Variants in IL17RD observed in about 807,000 individuals in gnomAD.
IL17RD encodes interleukin 17 receptor D, also known as interleukin-17 receptor D.
In IL17RD, 52 loss-of-function variants were observed where a neutral mutation model predicts 80.5. That is an observed-to-expected ratio of 0.65 (90% CI 0.52 to 0.81). IL17RD has a LOEUF of 0.81. Ranked by LOEUF, IL17RD falls within the 40% of genes least tolerant of loss-of-function variation. IL17RD has a pLI of 0.00. For missense variants in IL17RD, 1,024 were observed against 955.1 expected (o/e 1.07, Z -0.95); for synonymous variants, 416 against 391.8 (o/e 1.06, Z -0.73).
rs1222231654 is a variant in IL17RD at position 57,098,026 on chromosome 3, C to A, written c.1677G>T (p.Trp559Cys). 1 of 1,614,054 alleles carries A rather than the reference C, an allele frequency of 6.2e-7. No individual in the cohort carries two copies. Among genetic ancestry groups the A allele is most frequent in the African/African-American group, 1.3e-5 (1 of 75,066 alleles). Residue 559 changes from tryptophan to cysteine, a missense_variant, in exon 12 of 13, where the codon TGG (tryptophan) becomes TGT (cysteine). By Grantham distance (215) the Trp-to-Cys change is radical. Transcript: ENST00000296318. ...GGAAGGGAACGAACTGCTTTTCGAA[C>A]CAGTCGGGCTCCTCGTCAATAAACT... The part of the protein sequence containing the change: ...MHQFIDEEPD[W>C]FEKQFVPFHP...
chr3:57,168,142 C>T (rs910052430), upstream of IL17RD, among the ~76,000 whole-genome samples: 7 of 152,164 alleles, frequency 4.6e-5, no homozygotes, highest in Non-Finnish European at 1.0e-4. Context: ...CATTTGTCCT[C>T]TTTCAGGAAT....
At chr3:57,104,947 G>A (rs116499859) in intron 7 of IL17RD, among the ~76,000 whole-genome samples, 2,132 of 152,188 alleles carry the variant, frequency 0.014, 57 homozygotes, top group African/African-American at 0.049. Context: ...TCCATGAAAC[G>A]GTTTCCACTC....
At chr3:57,152,133 G>C (rs1200751639) in intron 1 of IL17RD, among the ~76,000 whole-genome samples, 1 of 152,118 alleles carries the variant, frequency 6.6e-6, no homozygotes, top group African/African-American at 2.4e-5. Flanking sequence ...ATAGAAACAA[G>C]AACTCTCTCG....
rs150322582 is a variant in IL17RD at position 57,108,148 on chromosome 3, C to T, written c.550+1389G>A. On this transcript the variant is annotated intron_variant, in intron 5 of 12. Coordinates refer to ENST00000296318, the MANE Select transcript of IL17RD (RefSeq NM_017563.5). ...GATCTCAGCTCACTGCAACCTCCGCCTCCCGAGTTCAAGTGATTCTCCTGC... is the reference window on the plus strand; with the variant it reads ...GATCTCAGCTCACTGCAACCTCCGCTTCCCGAGTTCAAGTGATTCTCCTGC... Among the ~76,000 whole-genome samples, 1,261 of 152,014 alleles carry T rather than the reference C, an allele frequency of 8.3e-3. 20 individuals carry two copies. Among genetic ancestry groups the T allele is most frequent in the African/African-American group, 0.029 (1,195 of 41,440 alleles).
rs191362912 is a variant in IL17RD, at chr3:57,121,865, G to A, written c.127-1552C>T. Among the ~76,000 whole-genome samples the A allele has an allele frequency of 8.8e-4, 134 of 152,172 alleles. 5 individuals are homozygous for A. Among genetic ancestry groups the A allele is most frequent in the Non-Finnish European group, 2.4e-4 (16 of 68,008 alleles). On this transcript the variant is annotated intron_variant, in intron 1 of 12. Coordinates refer to ENST00000296318, the MANE Select transcript of IL17RD (RefSeq NM_017563.5). ...AGATCCCCAAATCACACTGTTCTGT[G>A]CTCTTATAAGCCCCCAAGACATAAA...
chr3:57,135,201 C>T (rs751681634), intron 1 of IL17RD, among the ~76,000 whole-genome samples: 14 of 152,168 alleles, frequency 9.2e-5, no homozygotes, highest in Non-Finnish European at 1.6e-4. Flanking sequence ...GTCAGGTGAG[C>T]AGCACTGCTT....
At chr3:57,129,146 A>C (rs765617192) in intron 1 of IL17RD, among the ~76,000 whole-genome samples, 3 of 152,154 alleles carry the variant, frequency 2.0e-5, no homozygotes, top group Non-Finnish European at 4.4e-5. Flanking sequence ...TAAAAAGCAT[A>C]CACAGACTCA....
At position 57,105,536 on chromosome 3, in the gene IL17RD, C is replaced by CAAAAAAAAAAAA. The variant is rs745910085; in HGVS notation, c.747+309_747+320dup. On this transcript the variant is annotated intron_variant, in intron 7 of 12. Coordinates refer to ENST00000296318, the MANE Select transcript of IL17RD (RefSeq NM_017563.5). ...TGGGCAACAGAGCAAGACTCCATCTCAAAAAAAAAAAAAAAAATATATATA... is the reference window on the plus strand; with the variant it reads ...TGGGCAACAGAGCAAGACTCCATCTCAAAAAAAAAAAAAAAAAAAAAAAAAAAAATATATATA... Among the ~76,000 whole-genome samples, 28 of 35,604 alleles carry CAAAAAAAAAAAA rather than the reference C, an allele frequency of 7.9e-4. 2 individuals are homozygous for CAAAAAAAAAAAA. Among genetic ancestry groups the CAAAAAAAAAAAA allele is most frequent in the African/African-American group, 2.0e-3 (20 of 9,988 alleles). 23.4% of individuals were successfully genotyped at this position (35,604 alleles called of 152,430 possible).
chr3:57,114,074 C>T (rs1025100655), intron 3 of IL17RD, among the ~76,000 whole-genome samples: 3 of 151,718 alleles, frequency 2.0e-5, no homozygotes, highest in African/African-American at 7.3e-5. Context: ...ATCCCAGCTA[C>T]TCGGGCAGCT....
intron 1 of IL17RD, among the ~76,000 whole-genome samples, chr3:57,156,964 ATTTG>A (rs1034025902): frequency 1.0e-3 from 156 of 152,112 alleles, no homozygotes; most frequent in African/African-American, 3.7e-3. Flanking sequence ...AAAACATCAA[ATTTG>A]TTTGTTTCTC....
chr3:57,124,741 T>C (rs1034064888), intron 1 of IL17RD, among the ~76,000 whole-genome samples: 33 of 152,208 alleles, frequency 2.2e-4, no homozygotes, highest in African/African-American at 7.2e-4. Context: ...TAATTTATTA[T>C]AGAAGCAACT....
chr3:57,102,105 A>T (rs1055150444), intron 10 of IL17RD, among the ~76,000 whole-genome samples: 25 of 151,862 alleles, frequency 1.6e-4, no homozygotes, highest in East Asian at 5.8e-4. Flanking sequence ...TACAAAAAAA[A>T]TTTTTTTTTA....
At chr3:57,146,820 CTTT>C (rs761583197) in intron 1 of IL17RD, among the ~76,000 whole-genome samples, 3 of 101,214 alleles carry the variant, frequency 3.0e-5, no homozygotes, top group Non-Finnish European at 3.8e-5. Flanking sequence ...GAGAGGTATT[CTTT>C]TTTTTTTTTT....
At chr3:57,165,108 G>C (rs1195600518) in intron 1 of IL17RD, 53 bp downstream of exon 1, 4 of 1,462,006 alleles carry the variant, frequency 2.7e-6, no homozygotes, top group Non-Finnish European at 1.8e-6. Context: ...ACCTGTGCGC[G>C]CTGCGTCCCC....
chr3:57,127,231 AAAATAT>A (rs1707482798), intron 1 of IL17RD, among the ~76,000 whole-genome samples: 1 of 103,836 alleles, frequency 9.6e-6, no homozygotes, highest in African/African-American at 4.5e-5. Flanking sequence ...AATATATATA[AAAATAT>A]ATAAATATAT....
intron 1 of IL17RD, among the ~76,000 whole-genome samples, chr3:57,138,819 A>C (rs1366975981): frequency 6.6e-6 from 1 of 151,768 alleles, no homozygotes; most frequent in Non-Finnish European, 1.5e-5. Context: ...CATGCCTGTA[A>C]TCCCAGCTAC....
At chr3:57,166,731 C>A (rs2107552567), upstream of IL17RD, among the ~76,000 whole-genome samples, 1 of 152,270 alleles carries the variant, frequency 6.6e-6, no homozygotes, top group African/African-American at 2.4e-5. Flanking sequence ...CACAGAACTC[C>A]CCCCAGCCCC....
At chr3:57,113,386 C>T (rs1255128957) in intron 3 of IL17RD, among the ~76,000 whole-genome samples, 4 of 152,020 alleles carry the variant, frequency 2.6e-5, no homozygotes, top group East Asian at 1.9e-4. Flanking sequence ...TACAGGCATG[C>T]GACACCACAC....
chr3:57,135,146 A>AC (rs11387950), intron 1 of IL17RD, among the ~76,000 whole-genome samples: 2,029 of 93,198 alleles, frequency 0.022, 39 homozygotes, highest in African/African-American at 0.097. Flanking sequence ...AAAAACACAC[A>AC]AAAAAAACAA....
Sources: gnomAD v4.1 joint callset for allele counts (sites outside exome capture counted in the v4.1 genomes callset) on GRCh38, gnomAD v4.1.1 for gene constraint, MANE v1.5 for transcripts, NCBI Gene and HGNC (gene_info 2026-07-23, HGNC 2026-07-21) for gene names.